The following ANKRD30B variants were observed in gnomAD, a reference collection of about 807,000 sequenced individuals.
ANKRD30B encodes the protein ankyrin repeat domain-containing protein 30B.
Under a neutral mutation model 202.2 loss-of-function variants are expected in ANKRD30B, and 144 were observed. The observed-to-expected ratio is 0.71, with a 90% CI of 0.62 to 0.82. The LOEUF (loss-of-function observed/expected upper bound fraction) is 0.82. ANKRD30B is among the 40% of genes least tolerant of loss of function. The pLI is 0.00. For synonymous variants in ANKRD30B, 508 were observed against 561.3 expected, an observed-to-expected ratio of 0.91 and a Z score of 1.34; for missense variants, 1,487 against 1,669.1, an observed-to-expected ratio of 0.89 and a Z score of 1.90.
Position 14,852,230 on chromosome 18 carries a change from A to G in ANKRD30B, c.4286A>G (p.Asn1429Ser). ...EQKLFQLESKNRWLRQQLVYA... is the reference protein window; with the variant it reads ...EQKLFQLESKSRWLRQQLVYA... ...AAATTATTTCAACTAGAAAGCAAAA[A>G]TAGGTGGCTTCGACAGCAATTAGTT... Residue 1429 changes from asparagine to serine, a missense_variant, in exon 42 of 44, where the codon AAT becomes AGT. Asn to Ser is a conservative substitution (Grantham distance 46). Coordinates refer to ENST00000690538, the MANE Select transcript of ANKRD30B (RefSeq NM_001367607.2). 6.3e-7 allele frequency: 1 copy of G among 1,577,656 alleles called. No homozygotes were observed.
At chr18:14,926,286 A>G in the ANKRD30B span, among the ~76,000 whole-genome samples, 3 of 152,386 alleles carry the variant, frequency 2.0e-5, no homozygotes, top group South Asian at 2.1e-4. Flanking sequence ...CAAAAATGTG[A>G]CATGAAAAGA....
At chr18:14,751,950 A>G (rs563063534) in intron 1 of ANKRD30B, among the ~76,000 whole-genome samples, 55 of 152,160 alleles carry the variant, frequency 3.6e-4, no homozygotes, top group Non-Finnish European at 7.2e-4. Context: ...TCTGCCAAAT[A>G]TAGTTGTAAT....
the ANKRD30B span, among the ~76,000 whole-genome samples, chr18:14,861,146 A>G: frequency 6.6e-6 from 1 of 152,222 alleles, no homozygotes; most frequent in Non-Finnish European, 1.5e-5. Context: ...CGTGAAAATA[A>G]AAGAATGATA....
intron 30 of ANKRD30B, among the ~76,000 whole-genome samples, chr18:14,817,820 A>G (rs991319347): frequency 1.4e-4 from 21 of 152,328 alleles, no homozygotes; most frequent in Non-Finnish European, 2.5e-4. Flanking sequence ...TTCTCATCAT[A>G]ATTAAAGCAG....
chr18:14,879,183 T>C, the ANKRD30B span, among the ~76,000 whole-genome samples: 1 of 152,114 alleles, frequency 6.6e-6, no homozygotes, highest in Non-Finnish European at 1.5e-5. Flanking sequence ...ATCCTTCCAG[T>C]TTGCAGCCCT....
At chr18:14,851,396 A>G (rs1007309457) in intron 41 of ANKRD30B, 113 bp from the exon 42 acceptor site, 6 of 1,126,350 alleles carry the variant, frequency 5.3e-6, no homozygotes, top group South Asian at 2.0e-5. Flanking sequence ...ACTGATACCT[A>G]CTTATAAAAA....
At chr18:14,921,468 C>T in the ANKRD30B span, among the ~76,000 whole-genome samples, 1 of 152,068 alleles carries the variant, frequency 6.6e-6, no homozygotes, top group Non-Finnish European at 1.5e-5. Flanking sequence ...AGACACAACC[C>T]AAGGTGTCAC....
chr18:14,795,538 A>G (rs1263288359), intron 16 of ANKRD30B, among the ~76,000 whole-genome samples: 2 of 152,152 alleles, frequency 1.3e-5, no homozygotes, highest in East Asian at 3.8e-4. Flanking sequence ...TTTTCTGTAT[A>G]AGTGGATCAG....
chr18:14,753,053 C>T, intron 3 of ANKRD30B, 41 bp downstream of exon 3: 1 of 1,476,704 alleles, frequency 6.8e-7, no homozygotes, highest in Non-Finnish European at 9.1e-7. Flanking sequence ...ATTTGAAATC[C>T]ATTTGTTTTA....
chr18:14,833,852 C>T (rs1246797564), intron 34 of ANKRD30B, among the ~76,000 whole-genome samples: 1 of 152,098 alleles, frequency 6.6e-6, no homozygotes, highest in Non-Finnish European at 1.5e-5. Flanking sequence ...TCTTCCGCCT[C>T]CTTCACCTTT....
At chr18:14,937,754 G>T in the ANKRD30B span, among the ~76,000 whole-genome samples, 1 of 152,064 alleles carries the variant, frequency 6.6e-6, no homozygotes. Flanking sequence ...TCGTTGCTTC[G>T]CCTTTCGTTG....
chr18:14,929,339 C>T, the ANKRD30B span, among the ~76,000 whole-genome samples: 8 of 152,178 alleles, frequency 5.3e-5, no homozygotes, highest in East Asian at 1.9e-4. Flanking sequence ...TTTCCATCCA[C>T]GTCACCACAG....
At chr18:14,848,076 A>T (rs532447369) in intron 39 of ANKRD30B, among the ~76,000 whole-genome samples, 1 of 152,206 alleles carries the variant, frequency 6.6e-6, no homozygotes, top group South Asian at 2.1e-4. Context: ...GTTCCACCTC[A>T]GTTTTTGTTT....
intron 34 of ANKRD30B, among the ~76,000 whole-genome samples, chr18:14,832,418 A>G (rs1416699547): frequency 6.6e-6 from 1 of 152,220 alleles, no homozygotes; most frequent in Non-Finnish European, 1.5e-5. Context: ...AGAGTTTTTA[A>G]ATTGCAGTTT....
At position 14,837,211 on chromosome 18, in the gene ANKRD30B, G is replaced by T. The variant is rs750751735; in HGVS notation, c.2848G>T (p.Glu950Ter). Residue 950 changes from glutamate (E) to a stop codon, truncating the protein, a stop_gained and splice_region_variant, in exon 35 of 44, where the codon GAG (glutamate) becomes TAG (stop). Coordinates refer to ENST00000690538, the MANE Select transcript of ANKRD30B (RefSeq NM_001367607.2). LOFTEE classifies it high-confidence loss of function. ...GCTTTCTGTGTTTTGTTTGTAATAG[G>T]AGGGAGCAACAAAGACAGTAACTGG... ...VEEDFNLTTK[E>*]GATKTVTGQQ... 6.5e-5 allele frequency: 100 copies of T among 1,541,994 alleles called. No homozygotes were observed. Among genetic ancestry groups the T allele is most frequent in the Non-Finnish European group, 8.2e-5 (94 of 1,141,894 alleles).
chr18:14,850,580 A>C (rs562583943), intron 41 of ANKRD30B, among the ~76,000 whole-genome samples, 198 bp downstream of exon 41: 1 of 151,828 alleles, frequency 6.6e-6, no homozygotes, highest in Non-Finnish European at 1.5e-5. Flanking sequence ...TTCAGTACAA[A>C]GAGCTTTTGA....
the ANKRD30B span, among the ~76,000 whole-genome samples, chr18:14,922,654 CAAAA>C: frequency 3.8e-5 from 4 of 104,880 alleles, no homozygotes; most frequent in Admixed American, 1.1e-4. Context: ...GACTCCGTCT[CAAAA>C]AAAAAAAAAA....
At chr18:14,926,586 G>A in the ANKRD30B span, among the ~76,000 whole-genome samples, 1 of 152,038 alleles carries the variant, frequency 6.6e-6, no homozygotes, top group African/African-American at 2.4e-5. Flanking sequence ...GGTAATATTT[G>A]AATTTTTTAA....
chr18:14,908,091 C>T, the ANKRD30B span, among the ~76,000 whole-genome samples: 43 of 151,986 alleles, frequency 2.8e-4, no homozygotes, highest in African/African-American at 8.5e-4. Flanking sequence ...GCAGCATGAC[C>T]GAAAACAGGT....
Sources: allele counts gnomAD v4.1 joint callset (sites outside exome capture counted in the v4.1 genomes callset), GRCh38; gene constraint gnomAD v4.1.1; transcripts MANE v1.5; gene names NCBI Gene and HGNC (gene_info 2026-07-23, HGNC 2026-07-21).